The following PACC1 variants were observed in gnomAD, a reference collection of about 807,000 sequenced individuals.
The protein encoded by PACC1 is proton activated chloride channel 1.
A neutral mutation model predicts 39.7 loss-of-function variants in PACC1; 34 were observed. The observed-to-expected ratio is 0.86, with a 90% CI of 0.65 to 1.14. The LOEUF is 1.14. Ranked by LOEUF, PACC1 falls within the 50% of genes most tolerant of loss-of-function variation. The pLI, the probability that PACC1 is intolerant of heterozygous loss-of-function variation, is 0.00. For missense variants in PACC1, 379 were observed against 436.4 expected, an observed-to-expected ratio of 0.87 and a Z score of 1.17; for synonymous variants, 127 against 160.6, an observed-to-expected ratio of 0.79 and a Z score of 1.58.
At chr1:212,366,127 G>T (rs754876474) in intron 7 of PACC1, among the ~76,000 whole-genome samples, 7 of 151,998 alleles carry the variant, frequency 4.6e-5, no homozygotes, top group Non-Finnish European at 8.8e-5. Flanking sequence ...ACCCTTTCTG[G>T]ACTTCAGCAG....
At chr1:212,406,516 A>G (rs1436614657) in intron 2 of PACC1, among the ~76,000 whole-genome samples, 1 of 152,172 alleles carries the variant, frequency 6.6e-6, no homozygotes, top group Non-Finnish European at 1.5e-5. Flanking sequence ...ACTGTCTCAA[A>G]AAAAAAAGAA....
At chr1:212,387,215 G>T in intron 2 of PACC1, 115 bp from the exon 3 acceptor site, 1 of 940,078 alleles carries the variant, frequency 1.1e-6, no homozygotes, top group Non-Finnish European at 1.6e-6. Context: ...TCACCTGCAC[G>T]CCCAACCTTT....
intron 2 of PACC1, among the ~76,000 whole-genome samples, chr1:212,401,095 T>G (rs1335338206): frequency 6.6e-6 from 1 of 152,158 alleles, no homozygotes. Context: ...ACCATACAAT[T>G]TACCCTTTTA....
At chr1:212,376,844 C>T (rs1176358704) in intron 6 of PACC1, 1 of 152,216 alleles carries the variant, frequency 6.6e-6, no homozygotes, top group Non-Finnish European at 1.5e-5. Flanking sequence ...GCCTAGTTGA[C>T]TGGAGTGTGT....
chr1:212,398,732 G>A, intron 2 of PACC1, among the ~76,000 whole-genome samples: 1 of 152,152 alleles, frequency 6.6e-6, no homozygotes, highest in African/African-American at 2.4e-5. Flanking sequence ...GTCAATTTCT[G>A]CTCCTTCATG....
chr1:212,390,355 G>A (rs968573126), intron 2 of PACC1, among the ~76,000 whole-genome samples: 46 of 151,514 alleles, frequency 3.0e-4, no homozygotes, highest in African/African-American at 9.0e-4. Flanking sequence ...CCCGGGAGGC[G>A]GAGGTTGCAG....
At chr1:212,383,080 G>C (rs1571647070) in intron 4 of PACC1, among the ~76,000 whole-genome samples, 1 of 152,164 alleles carries the variant, frequency 6.6e-6, no homozygotes, top group Non-Finnish European at 1.5e-5. Context: ...TAGGAAACTT[G>C]GTGGATAGGG....
At chr1:212,388,810 T>C (rs1192596951) in intron 2 of PACC1, among the ~76,000 whole-genome samples, 2 of 152,158 alleles carry the variant, frequency 1.3e-5, no homozygotes, top group Admixed American at 6.5e-5. Flanking sequence ...CCCACAGGGC[T>C]CCCTGTGCCC....
chr1:212,411,857 G>A (rs552215305), intron 1 of PACC1, among the ~76,000 whole-genome samples: 12 of 152,242 alleles, frequency 7.9e-5, no homozygotes, highest in Admixed American at 4.6e-4. Flanking sequence ...GGCCAGGTGC[G>A]GGGCCTGACA....
In PACC1 at chr1:212,382,278, C is replaced by T. The variant is rs569141881; in HGVS notation, c.496-2241G>A. Among the ~76,000 whole-genome samples the T allele has an allele frequency of 6.1e-4, 87 of 143,158 alleles. No individual in the cohort carries two copies. In the East Asian group the frequency reaches 0.014, roughly 23 times the overall value. The allele number at this position is 143,158 out of a possible 152,430, so 93.9% of individuals were successfully genotyped here. ...CAGGATGGTCTCGATCTCCTGACCT[C>T]GTGATCCACCTGCCTCGGCCTCCCA... On this transcript the variant is annotated intron_variant, in intron 4 of 7. Coordinates refer to ENST00000261455, the MANE Select transcript of PACC1 (RefSeq NM_018252.3).
At position 212,404,969 on chromosome 1, in the gene PACC1, C is replaced by T. The variant is rs376525173; in HGVS notation, c.133+5456G>A. On this transcript the variant is annotated intron_variant, in intron 2 of 7. Coordinates refer to ENST00000261455, the MANE Select transcript of PACC1 (RefSeq NM_018252.3). ...GGTATTTTTAGTAGAGATGGGGTTT[C>T]ACCACGCTGGCCAGGCTGGTCTCGA... 2.5e-4 allele frequency among the ~76,000 whole-genome samples: 38 copies of T among 152,178 alleles called. No individual in the cohort carries two copies. In the South Asian group the frequency reaches 6.8e-3, roughly 27 times the overall value.
Position 212,379,939 on chromosome 1 carries a change from G to C in PACC1, c.594C>G (p.Ala198=), listed in dbSNP as rs756424889. 6.2e-7 allele frequency: 1 copy of C among 1,614,234 alleles called. No homozygotes were observed. Among genetic ancestry groups the C allele is most frequent in the Admixed American group, 1.7e-5 (1 of 60,028 alleles). Residue 198 remains alanine (A), a synonymous_variant, in exon 5 of 8, where the codon GCC becomes GCG. Transcript: ENST00000261455. ...RLNKSSEDFS[A]IDYLLFSSFQ... is the part of the protein sequence containing the mutation. ...AAGAAGAGAAGAGGAGGTAATCAATGGCGCTGAAGTCCTCACTACTCTTGT... is the reference window on the plus strand; with the variant it reads ...AAGAAGAGAAGAGGAGGTAATCAATCGCGCTGAAGTCCTCACTACTCTTGT...
intron 2 of PACC1, among the ~76,000 whole-genome samples, chr1:212,391,386 T>C (rs12090970): frequency 0.053 from 8,092 of 152,298 alleles, 332 homozygotes; most frequent in Admixed American, 0.11. Context: ...GAGTCCTGAC[T>C]GTTAGAAGGA....
chr1:212,397,238 T>A (rs1661561372), intron 2 of PACC1, among the ~76,000 whole-genome samples: 1 of 152,026 alleles, frequency 6.6e-6, no homozygotes, highest in Admixed American at 6.6e-5. Context: ...GGTTTATAAC[T>A]TGCAAGAAAG....
At chr1:212,369,896 G>A (rs1456571024) in intron 7 of PACC1, among the ~76,000 whole-genome samples, 1 of 151,858 alleles carries the variant, frequency 6.6e-6, no homozygotes, top group South Asian at 2.1e-4. Context: ...GTCAAAAACT[G>A]GAAAAAGAGA....
chr1:212,387,154 G>A, intron 2 of PACC1, 54 bp from the exon 3 acceptor site: 2 of 1,583,324 alleles, frequency 1.3e-6, no homozygotes, highest in Non-Finnish European at 1.7e-6. Flanking sequence ...GGTACAGACA[G>A]AGATGGCCAG....
chr1:212,385,336 C>T lies in PACC1; in HGVS notation c.433G>A (p.Gly145Ser). 6.2e-7 allele frequency: 1 copy of T among 1,614,088 alleles called. No individual in the cohort carries two copies. The highest frequency in any genetic ancestry group is 8.5e-7 in the Non-Finnish European group (1 of 1,180,002). Residue 145 changes from glycine (G) to serine (S), a missense_variant, in exon 4 of 8, where the codon GGT becomes AGT. Transcript: ENST00000261455. Reference sequence around the variant, plus strand: ...CTCTGGGTGGTGCAATTCATGTCACCCGGCTGGCCAGGGCTTGTCAGAGGA... The same window carrying T: ...CTCTGGGTGGTGCAATTCATGTCACTCGGCTGGCCAGGGCTTGTCAGAGGA... ...IPPLTSPGQP[G>S]DMNCTTQRIN...
chr1:212,386,226 C>T lies in PACC1; in HGVS notation c.343+665G>A, dbSNP rs1049518283. On this transcript the variant is annotated intron_variant, in intron 3 of 7. Coordinates refer to ENST00000261455, the MANE Select transcript of PACC1 (RefSeq NM_018252.3). The surrounding 1 kb of genome is among the most constrained non-coding windows in gnomAD (Gnocchi z 5.0). ...CTGTGGGCAGAACAGGTGGCACACA[C>T]TGGGTGGACAGGGCCCAAGTCACAC... is the stretch of plus-strand genomic sequence containing the variant. Among the ~76,000 whole-genome samples the T allele has an allele frequency of 3.9e-5, 6 of 152,240 alleles. No homozygotes were observed. In the East Asian group the frequency reaches 1.2e-3, roughly 29 times the overall value.
In PACC1 at chr1:212,365,347, A is replaced by T. The variant is rs767350301; in HGVS notation, c.921T>A (p.Ile307=). ...CCAAGAAGGCGCCACAGAGAAGAGC[A>T]ATTGTGTTCCAAGGATTGGCAGTGA... ...DIVTANPWNT[I]ALLCGAFLAL... The change falls in exon 8 of 8, where the codon ATT becomes ATA. Residue 307 remains isoleucine, a synonymous_variant. Transcript: ENST00000261455. The T allele has an allele frequency of 6.2e-7, 1 of 1,612,446 alleles. No homozygotes were observed. Among genetic ancestry groups the T allele is most frequent in the Non-Finnish European group, 8.5e-7 (1 of 1,179,430 alleles).
Sources: gnomAD v4.1 joint callset for allele counts (sites outside exome capture counted in the v4.1 genomes callset) on GRCh38, gnomAD v4.1.1 for gene constraint, Gnocchi (gnomAD v3.1) non-coding constraint, MANE v1.5 for transcripts, NCBI Gene and HGNC (gene_info 2026-07-23, HGNC 2026-07-21) for gene names.